The following MCC variants were observed in gnomAD, a reference collection of about 807,000 sequenced individuals.
MCC encodes the protein colorectal mutant cancer protein.
In MCC, 90 loss-of-function variants were observed where a neutral mutation model predicts 116.2. That is an observed-to-expected ratio of 0.77 (90% CI 0.65 to 0.92). The LOEUF (loss-of-function observed/expected upper bound fraction) is 0.92, where lower values mean the gene tolerates loss of function less well. Ranked by LOEUF, MCC falls within the 40% of genes least tolerant of loss-of-function variation. The probability of loss-of-function intolerance (pLI) is 0.00; values close to 1 mark genes in which losing one functional copy is unlikely to be tolerated. For synonymous variants in MCC, 578 were observed against 510.5 expected (o/e 1.13, Z -1.78); for missense variants, 1,516 against 1,312.2 (o/e 1.16, Z -2.40).
intron 8 of MCC, among the ~76,000 whole-genome samples, chr5:113,090,747 T>C (rs1441919177): frequency 3.3e-5 from 5 of 152,234 alleles, no homozygotes; most frequent in African/African-American, 4.8e-5. Context: ...GTTGCAGCTA[T>C]GTAACTGTAC....
intron 3 of MCC, among the ~76,000 whole-genome samples, chr5:113,183,620 C>T (rs2150310203): frequency 6.6e-6 from 1 of 152,280 alleles, no homozygotes; most frequent in South Asian, 2.1e-4. Flanking sequence ...AATTGGAATA[C>T]TGTATCTAGC....
intron 3 of MCC, among the ~76,000 whole-genome samples, chr5:113,240,170 T>C (rs555346281): frequency 6.2e-4 from 95 of 152,260 alleles, no homozygotes; most frequent in African/African-American, 2.3e-3. Context: ...TGTGACTGCA[T>C]AGGGAAGGAC....
rs1162245496 is a variant in MCC, at chr5:113,430,814, GATC to G, written c.171-45605_171-45603del. 2.0e-5 allele frequency among the ~76,000 whole-genome samples: 3 copies of G among 152,270 alleles called. No individual in the cohort carries two copies. In the East Asian group the frequency reaches 5.8e-4, roughly 29 times the overall value. ...GCGTGAAGAGACTGCAGATGGAACT[GATC>G]ATGAGGGCCCGTACTCTGAAGAGAA... On this transcript the variant is annotated intron_variant, in intron 1 of 18. Coordinates refer to ENST00000408903, the MANE Select transcript of MCC (RefSeq NM_001085377.2).
rs191277388 is a variant in MCC at position 113,023,198 on chromosome 5, T to G, written c.*4104A>C. On this transcript the variant is annotated 3_prime_UTR_variant, in exon 19 of 19. Coordinates refer to ENST00000408903, the MANE Select transcript of MCC (RefSeq NM_001085377.2). ...GGAGATGCTTCTGAAGGCCACAAGTTTGGAGCTTACTTTAACCTGACCTAC... is the reference window on the plus strand; with the variant it reads ...GGAGATGCTTCTGAAGGCCACAAGTGTGGAGCTTACTTTAACCTGACCTAC... 2.7e-4 allele frequency: 41 copies of G among 152,354 alleles called. No homozygotes were observed. Among genetic ancestry groups the G allele is most frequent in the African/African-American group, 7.7e-4 (32 of 41,590 alleles). The allele number at this position is 152,354 out of a possible 1,614,324, so 9.4% of individuals were successfully genotyped here. A position where few individuals can be genotyped will look rare whatever the true frequency, so the allele number is the denominator to read the frequency against.
Position 113,362,985 on chromosome 5 carries a change from TA to T in MCC, c.415+21982del, listed in dbSNP as rs1036370660. On this transcript the variant is annotated intron_variant, in intron 2 of 18. Transcript: ENST00000408903. ...TGTTAGTCCATTCTTGCACTGCTAT[TA>T]AAAAAAAACCTGGCCAGGTGCAGTG... Among the ~76,000 whole-genome samples, 3 of 151,396 alleles carry T rather than the reference TA, an allele frequency of 2.0e-5. No individual in the cohort carries two copies. The South Asian group carries it at 6.3e-4, about 32-fold the overall frequency.
chr5:113,399,394 A>G (rs1769618980), intron 1 of MCC, among the ~76,000 whole-genome samples: 1 of 152,170 alleles, frequency 6.6e-6, no homozygotes, highest in African/African-American at 2.4e-5. Flanking sequence ...CTGAGGCAGA[A>G]GAATGGAGTG....
Position 113,324,736 on chromosome 5 carries a change from C to T in MCC, c.627+15783G>A, listed in dbSNP as rs541800649. Among the ~76,000 whole-genome samples, 89 of 152,264 alleles carry T rather than the reference C, an allele frequency of 5.8e-4. 1 individual carries two copies. Among genetic ancestry groups the T allele is most frequent in the Admixed American group, 7.2e-4 (11 of 15,298 alleles). ...AGCTGTTACTCTGAGCTGACATTTT[C>T]TACAAATATTCATTTCCTTAATTTC... On this transcript the variant is annotated intron_variant, in intron 3 of 18. Transcript: ENST00000408903.
intron 8 of MCC, among the ~76,000 whole-genome samples, chr5:113,092,915 G>C (rs1401022385): frequency 3.9e-5 from 6 of 152,182 alleles, no homozygotes; most frequent in African/African-American, 1.4e-4. Flanking sequence ...ATGCCCCGGA[G>C]CATTGTTTGT....
intron 6 of MCC, among the ~76,000 whole-genome samples, chr5:113,115,104 T>A (rs1356324250): frequency 6.6e-6 from 1 of 152,150 alleles, no homozygotes. Context: ...TCCTCCCCCC[T>A]GAGACGCTAC....
intron 6 of MCC, among the ~76,000 whole-genome samples, chr5:113,110,648 A>C (rs950619881): frequency 1.3e-5 from 2 of 152,166 alleles, no homozygotes; most frequent in Admixed American, 1.3e-4. Flanking sequence ...TAATCTTGGC[A>C]CTCAGTCTTC....
At chr5:113,121,588 A>T (rs1757739032) in intron 6 of MCC, among the ~76,000 whole-genome samples, 1 of 152,222 alleles carries the variant, frequency 6.6e-6, no homozygotes, top group African/African-American at 2.4e-5. Context: ...CCTAGACTGA[A>T]TCAAATTTCT....
chr5:113,457,864 C>T (rs1771619876), intron 1 of MCC, among the ~76,000 whole-genome samples: 1 of 151,426 alleles, frequency 6.6e-6, no homozygotes, highest in Non-Finnish European at 1.5e-5. Flanking sequence ...GTAAACACAC[C>T]AATCAGCACC....
At position 113,200,111 on chromosome 5, in the gene MCC, G is replaced by T. The variant is rs115026321; in HGVS notation, c.628-48689C>A. Among the ~76,000 whole-genome samples the T allele has an allele frequency of 2.2e-3, 328 of 152,242 alleles. 2 individuals are homozygous for T. The highest frequency in any genetic ancestry group is 0.01 in the Middle Eastern group (3 of 294). Reference sequence around the variant, plus strand: ...AAGGTAAGTTTTAATGTGGAATTTGGAAAGTGGAGGAAGACACGTAAAATT... The same window carrying T: ...AAGGTAAGTTTTAATGTGGAATTTGTAAAGTGGAGGAAGACACGTAAAATT... On this transcript the variant is annotated intron_variant, in intron 3 of 18. Coordinates refer to ENST00000408903, the MANE Select transcript of MCC (RefSeq NM_001085377.2).
At chr5:113,354,348 A>G (rs1768355922) in intron 2 of MCC, among the ~76,000 whole-genome samples, 1 of 152,208 alleles carries the variant, frequency 6.6e-6, no homozygotes, top group Non-Finnish European at 1.5e-5. Flanking sequence ...AACTGGAAAC[A>G]TCTGGTGAAT....
chr5:113,230,008 T>G (rs897630132), intron 3 of MCC, among the ~76,000 whole-genome samples: 6 of 152,230 alleles, frequency 3.9e-5, no homozygotes, highest in Non-Finnish European at 7.3e-5. Context: ...CACTACAATC[T>G]TCTCTCTAGC....
In MCC at chr5:113,180,167, C is replaced by T. The variant is rs373804692; in HGVS notation, c.628-28745G>A. ...TTATCAGCATCTGGACTTCACGGGC[C>T]CATCTCTACTACTTATCGTCACGTG... is the stretch of plus-strand genomic sequence containing the variant. On this transcript the variant is annotated intron_variant, in intron 3 of 18. Coordinates refer to ENST00000408903, the MANE Select transcript of MCC (RefSeq NM_001085377.2). Among the ~76,000 whole-genome samples, 261 of 152,252 alleles carry T rather than the reference C, an allele frequency of 1.7e-3. 1 individual carries two copies. Among genetic ancestry groups the T allele is most frequent in the African/African-American group, 5.5e-3 (229 of 41,548 alleles).
chr5:113,043,606 C>A lies in MCC; in HGVS notation c.2680G>T (p.Ala894Ser). The A allele has an allele frequency of 1.2e-6, 2 of 1,614,098 alleles. No homozygotes were observed. The highest frequency in any genetic ancestry group is 1.7e-5 in the Admixed American group (1 of 60,020). ...GKECADAASP[A>S]LSLAELRTTC... ...GTCCTGAGTTCGGCTAGGGACAGAG[C>A]TGGGGAGGCAGCATCAGCACACTCC... The change falls in exon 17 of 19, where the codon GCT becomes TCT. Residue 894 changes from alanine (A) to serine (S), a missense_variant. Transcript: ENST00000408903.
At chr5:113,343,142 T>A (rs1768053795) in intron 2 of MCC, among the ~76,000 whole-genome samples, 1 of 152,222 alleles carries the variant, frequency 6.6e-6, no homozygotes, top group African/African-American at 2.4e-5. Flanking sequence ...ATGTCCAGTC[T>A]CCTCTTATCA....
At chr5:113,076,418 G>A (rs6594676) in intron 11 of MCC, among the ~76,000 whole-genome samples, 17,069 of 152,110 alleles carry the variant, frequency 0.11, 2,361 homozygotes, top group African/African-American at 0.33. Context: ...GAGAAAGGTC[G>A]GGTTACCCAC....
Sources: gnomAD v4.1 joint callset for allele counts (sites outside exome capture counted in the v4.1 genomes callset) on GRCh38, gnomAD v4.1.1 for gene constraint, MANE v1.5 for transcripts, NCBI Gene and HGNC (gene_info 2026-07-23, HGNC 2026-07-21) for gene names.